Variants in LRP1B observed in about 807,000 individuals in gnomAD.
The protein encoded by LRP1B is low-density lipoprotein receptor-related protein 1B.
LRP1B carries 217 observed loss-of-function variants against 556.6 expected under a neutral mutation model. That is an observed-to-expected ratio of 0.39 (90% CI 0.35 to 0.44). LRP1B has a LOEUF of 0.44. Ranked by LOEUF, LRP1B falls within the 20% of genes least tolerant of loss-of-function variation. The pLI, the probability that LRP1B is intolerant of heterozygous loss-of-function variation, is 1.00. For missense variants in LRP1B, 5,053 were observed against 5,620.8 expected (o/e 0.90, Z 3.23); for synonymous variants, 2,047 against 1,865.8 (o/e 1.10, Z -2.50).
intron 18 of LRP1B, among the ~76,000 whole-genome samples, chr2:140,965,863 G>C (rs184299367): frequency 2.2e-4 from 30 of 136,510 alleles, no homozygotes; most frequent in African/African-American, 7.5e-4. Context: ...CTTCATCCAC[G>C]TCCCTACAAA....
chr2:140,729,680 A>G (rs796129983), intron 35 of LRP1B, among the ~76,000 whole-genome samples: 7 of 152,318 alleles, frequency 4.6e-5, no homozygotes, highest in African/African-American at 1.7e-4. Flanking sequence ...CCAAAGACTC[A>G]ATCACCCTCT....
chr2:140,986,952 T>C (rs1311497567), intron 17 of LRP1B, among the ~76,000 whole-genome samples: 1 of 152,176 alleles, frequency 6.6e-6, no homozygotes, highest in Admixed American at 6.6e-5. Flanking sequence ...ACAAAGTAAC[T>C]TCCCATTGGA....
chr2:140,856,171 A>T (rs1692611848), intron 27 of LRP1B, among the ~76,000 whole-genome samples: 1 of 152,198 alleles, frequency 6.6e-6, no homozygotes, highest in South Asian at 2.1e-4. Flanking sequence ...ACTAAAATGT[A>T]TTCGTCACTA....
At chr2:141,387,099 A>C (rs917803200) in intron 3 of LRP1B, among the ~76,000 whole-genome samples, 15 of 152,050 alleles carry the variant, frequency 9.9e-5, no homozygotes, top group African/African-American at 3.4e-4. Context: ...TTTAACAACC[A>C]ATGAGTCAAT....
rs192700423 is a variant in LRP1B at position 140,489,747 on chromosome 2, C to A, written c.9121-2008G>T. Among the ~76,000 whole-genome samples, 849 of 152,086 alleles carry A rather than the reference C, an allele frequency of 5.6e-3. 8 individuals are homozygous for A. Among genetic ancestry groups the A allele is most frequent in the African/African-American group, 0.02 (824 of 41,532 alleles). On this transcript the variant is annotated intron_variant, in intron 57 of 90. Transcript: ENST00000389484. ...CAATTCAGGTGGCTAAATTAGAGAG[C>A]TTTGCAGGGAAAAAGCAGAGAGAAA...
At chr2:140,469,173 C>A (rs1268042473) in intron 60 of LRP1B, among the ~76,000 whole-genome samples, 1 of 152,084 alleles carries the variant, frequency 6.6e-6, no homozygotes, top group Non-Finnish European at 1.5e-5. Flanking sequence ...ATATTGGAAC[C>A]TAATACCCAG....
chr2:141,616,809 A>G (rs7568970), intron 2 of LRP1B, among the ~76,000 whole-genome samples: 32,178 of 152,144 alleles, frequency 0.21, 4,718 homozygotes, highest in African/African-American at 0.4. Flanking sequence ...TCTGGTGTAC[A>G]ATCACTCTTT....
At chr2:140,347,943 T>C (rs189362762) in intron 77 of LRP1B, among the ~76,000 whole-genome samples, 1 of 152,046 alleles carries the variant, frequency 6.6e-6, no homozygotes, top group Non-Finnish European at 1.5e-5. Context: ...CGTGTTTACA[T>C]GGCACAAGTG....
intron 83 of LRP1B, among the ~76,000 whole-genome samples, chr2:140,311,861 A>G (rs765018736): frequency 1.3e-5 from 2 of 151,954 alleles, no homozygotes; most frequent in African/African-American, 4.8e-5. Context: ...GATATCAGTT[A>G]GGTGACTGTG....
chr2:141,993,978 T>C (rs562648869), intron 1 of LRP1B, among the ~76,000 whole-genome samples: 174 of 152,290 alleles, frequency 1.1e-3, no homozygotes, highest in African/African-American at 3.9e-3. Context: ...TGTCATGTTT[T>C]CCCATTTAAT....
chr2:141,185,215 A>G (rs148714877), intron 7 of LRP1B, among the ~76,000 whole-genome samples: 1 of 152,112 alleles, frequency 6.6e-6, no homozygotes, highest in East Asian at 1.9e-4. Context: ...TGACAATAAA[A>G]CAAAGGCAGA....
In LRP1B at chr2:141,005,294, G is replaced by C. The variant is rs369494988; in HGVS notation, c.2503+41C>G. The stretch of plus-strand genomic sequence containing the variant: ...TTCTTCTGCTTCTAGTCTTCAGAAA[G>C]AGCCCGATAAACAAATAAGGGTAAC... On this transcript the variant is annotated intron_variant, in intron 15 of 90. Coordinates refer to ENST00000389484, the MANE Select transcript of LRP1B (RefSeq NM_018557.3). 6 of 1,597,454 alleles carry C rather than the reference G, an allele frequency of 3.8e-6. No individual in the cohort carries two copies. The African/African-American group carries it at 8.1e-5, about 22-fold the overall frequency.
chr2:141,499,787 A>C (rs531166027), intron 2 of LRP1B, among the ~76,000 whole-genome samples: 1 of 152,234 alleles, frequency 6.6e-6, no homozygotes, highest in East Asian at 1.9e-4. Flanking sequence ...AAAAAATAAA[A>C]TATATAGGAT....
intron 1 of LRP1B, among the ~76,000 whole-genome samples, chr2:141,964,669 C>G (rs1701503846): frequency 2.0e-5 from 3 of 150,084 alleles, no homozygotes; most frequent in Admixed American, 6.6e-5. Flanking sequence ...CATTACCATT[C>G]AGGACATAGG....
chr2:141,217,472 T>C (rs868726721), intron 6 of LRP1B, among the ~76,000 whole-genome samples: 1 of 152,112 alleles, frequency 6.6e-6, no homozygotes, highest in Admixed American at 6.5e-5. Context: ...GTGAGCTTGA[T>C]AGAAGACAGA....
At chr2:141,631,218 A>T (rs1213063905) in intron 2 of LRP1B, among the ~76,000 whole-genome samples, 5 of 151,768 alleles carry the variant, frequency 3.3e-5, no homozygotes, top group African/African-American at 1.2e-4. Flanking sequence ...GTGAGAACTC[A>T]CTCACTCACT....
At chr2:141,737,699 C>T (rs1438896692) in intron 2 of LRP1B, among the ~76,000 whole-genome samples, 1 of 152,134 alleles carries the variant, frequency 6.6e-6, no homozygotes, top group Non-Finnish European at 1.5e-5. Context: ...TTCTCACACT[C>T]ACAGAATAGT....
At chr2:142,060,292 C>T (rs936025568) in intron 1 of LRP1B, among the ~76,000 whole-genome samples, 3 of 151,964 alleles carry the variant, frequency 2.0e-5, no homozygotes, top group Non-Finnish European at 4.4e-5. Context: ...AGTTTTTAAA[C>T]CTGCATGCTT....
Position 140,948,572 on chromosome 2 carries a change from G to A in LRP1B, c.3136+1663C>T, listed in dbSNP as rs114428929. Among the ~76,000 whole-genome samples the A allele has an allele frequency of 5.4e-3, 826 of 152,280 alleles. 8 individuals are homozygous for A. Among genetic ancestry groups the A allele is most frequent in the African/African-American group, 0.019 (777 of 41,574 alleles). The stretch of plus-strand genomic sequence containing the variant: ...ATTAAATGGTAGCTTTATTGATAAT[G>A]CATTCTTCTGATTTTGAAGCAAAAT... On this transcript the variant is annotated intron_variant, in intron 20 of 90. Coordinates refer to ENST00000389484, the MANE Select transcript of LRP1B (RefSeq NM_018557.3).
Sources: gnomAD v4.1 joint callset for allele counts (sites outside exome capture counted in the v4.1 genomes callset) on GRCh38, gnomAD v4.1.1 for gene constraint, MANE v1.5 for transcripts, NCBI Gene and HGNC (gene_info 2026-07-23, HGNC 2026-07-21) for gene names.